Variants in TNMD observed in about 807,000 individuals in gnomAD.
TNMD encodes BRICHOS domain containing 4.
TNMD carries 15 observed loss-of-function variants against 26.9 expected under a neutral mutation model. The ratio of observed to expected loss-of-function variants is 0.56; its 90% CI spans 0.37 to 0.86. The LOEUF (loss-of-function observed/expected upper bound fraction) is 0.86. TNMD is among the 40% of genes least tolerant of loss of function. TNMD has a pLI of 0.00. For synonymous variants in TNMD, 73 were observed against 77.0 expected, an observed-to-expected ratio of 0.95 and a Z score of 0.27; for missense variants, 222 against 242.6, an observed-to-expected ratio of 0.92 and a Z score of 0.56.
intron 2 of TNMD, among the ~76,000 whole-genome samples, chrX:100,591,695 G>A (rs1318959846): frequency 1.8e-5 from 2 of 111,436 alleles, no homozygotes; most frequent in East Asian, 2.8e-4. Context: ...ACACATAAAC[G>A]AAGTCATTCT....
intron 4 of TNMD, among the ~76,000 whole-genome samples, 168 bp downstream of exon 4, chrX:100,594,530 A>T (rs1334810106): frequency 8.9e-6 from 1 of 111,781 alleles, no homozygotes; most frequent in Non-Finnish European, 1.9e-5. Context: ...ACTCAGAGCC[A>T]AAAAGTGACT....
chrX:100,599,365 T>C (rs776160293), intron 6 of TNMD, 143 bp from the exon 7 acceptor site: 3 of 626,808 alleles, frequency 4.8e-6, no homozygotes, highest in Non-Finnish European at 7.3e-6. Flanking sequence ...TCTCTGTAGA[T>C]ATATCTCCAT....
chrX:100,592,196 T>C (rs775592200), intron 2 of TNMD, among the ~76,000 whole-genome samples: 1 of 112,116 alleles, frequency 8.9e-6, no homozygotes, highest in Non-Finnish European at 1.9e-5. Context: ...CTGACAGGAC[T>C]GGATCTGAAG....
intron 2 of TNMD, among the ~76,000 whole-genome samples, chrX:100,591,569 C>T (rs906966821): frequency 9.0e-6 from 1 of 111,460 alleles, no homozygotes; most frequent in Admixed American, 9.5e-5. Flanking sequence ...CCAAAGTGGG[C>T]CACCAGCATC....
rs189235157 is a variant in TNMD at position 100,586,651 on chromosome X, T to C, written c.180+1289T>C. Reference sequence around the variant, plus strand: ...CCTACTTTGTTTGCCTTTTTATTTATACTTTGTTCCAGAAAAGATTTCAGG... The same window carrying C: ...CCTACTTTGTTTGCCTTTTTATTTACACTTTGTTCCAGAAAAGATTTCAGG... On this transcript the variant is annotated intron_variant, in intron 2 of 6. Transcript: ENST00000373031. Among the ~76,000 whole-genome samples the C allele has an allele frequency of 5.4e-5, 6 of 111,511 alleles. No homozygotes were observed. In the South Asian group the frequency reaches 1.5e-3, roughly 28 times the overall value.
chrX:100,599,366 A>G (rs2082962290), intron 6 of TNMD, 142 bp from the exon 7 acceptor site: 1 of 629,274 alleles, frequency 1.6e-6, no homozygotes, highest in African/African-American at 2.2e-5. Flanking sequence ...CTCTGTAGAT[A>G]TATCTCCATG....
Position 100,597,611 on chromosome X carries a change from T to C in TNMD, c.531T>C (p.Ile177=). 1 of 1,211,292 alleles carries C rather than the reference T, an allele frequency of 8.3e-7. No individual in the cohort carries two copies. Residue 177 remains isoleucine, a synonymous_variant, in exon 5 of 7, where the codon ATT becomes ATC. Transcript: ENST00000373031. ...DFLKNSKILE[I]CDNVTMYWIN... is the part of the protein sequence containing the mutation. ...TTAAAAATTCCAAAATTCTGGAGAT[T>C]TGTGATAACGTGACCATGTATTGGA...
intron 4 of TNMD, among the ~76,000 whole-genome samples, chrX:100,596,621 A>G (rs1018445679): frequency 5.4e-5 from 6 of 111,521 alleles, no homozygotes; most frequent in African/African-American, 1.6e-4. Flanking sequence ...CAGGTATATA[A>G]ATAGCCCTGA....
intron 4 of TNMD, among the ~76,000 whole-genome samples, chrX:100,596,455 G>C (rs764154459): frequency 8.9e-6 from 1 of 111,885 alleles, no homozygotes; most frequent in South Asian, 3.7e-4. Flanking sequence ...TTTCATGATA[G>C]TAAGAACACT....
chrX:100,599,854 C>T lies in TNMD; in HGVS notation c.*137C>T, dbSNP rs193186450. 1.0e-3 allele frequency: 543 copies of T among 525,257 alleles called. No homozygotes were observed. Among genetic ancestry groups the T allele is most frequent in the Non-Finnish European group, 1.5e-3 (490 of 320,865 alleles). 43.3% of individuals were successfully genotyped at this position (525,257 alleles called of 1,213,427 possible). A position where few individuals can be genotyped will look rare whatever the true frequency, so the allele number is the denominator to read the frequency against. On this transcript the variant is annotated 3_prime_UTR_variant, in exon 7 of 7. Transcript: ENST00000373031. ...ATTACTTGTAGGTAATTCCTCTCTT[C>T]ATGTTCTAATAAACTTCTACATTAT...
chrX:100,589,799 G>C (rs1256882024), intron 2 of TNMD, among the ~76,000 whole-genome samples: 2 of 111,260 alleles, frequency 1.8e-5, no homozygotes, highest in African/African-American at 6.5e-5. Flanking sequence ...ATTAAAATAG[G>C]AACTGAGTCC....
intron 6 of TNMD, 147 bp from the exon 7 acceptor site, chrX:100,599,361 T>C: frequency 1.6e-6 from 1 of 623,545 alleles, no homozygotes; most frequent in South Asian, 3.0e-5. Flanking sequence ...TCGATCTCTG[T>C]AGATATATCT....
intron 2 of TNMD, among the ~76,000 whole-genome samples, chrX:100,588,491 T>A (rs1441090786): frequency 1.8e-5 from 2 of 111,301 alleles, no homozygotes; most frequent in Non-Finnish European, 3.8e-5. Flanking sequence ...TTCAGCTTTC[T>A]TAAACAAGCA....
intron 4 of TNMD, 56 bp from the exon 5 acceptor site, chrX:100,597,448 A>G (rs1282762623): frequency 1.6e-5 from 18 of 1,160,875 alleles, no homozygotes; most frequent in Middle Eastern, 2.4e-4. Context: ...ATAATGTCTC[A>G]CTTGTTCTAC....
intron 4 of TNMD, among the ~76,000 whole-genome samples, 198 bp downstream of exon 4, chrX:100,594,560 A>G (rs2082947601): frequency 9.0e-6 from 1 of 111,713 alleles, no homozygotes. Context: ...CCACACAGCT[A>G]GTGAGTAGCA....
At chrX:100,592,008 G>A (rs986061763) in intron 2 of TNMD, among the ~76,000 whole-genome samples, 11 of 110,972 alleles carry the variant, frequency 9.9e-5, no homozygotes, top group African/African-American at 3.6e-4. Flanking sequence ...TTTCTCTTTC[G>A]CCCAGGTAGG....
intron 2 of TNMD, among the ~76,000 whole-genome samples, chrX:100,591,208 C>T (rs1023977250): frequency 9.0e-6 from 1 of 111,534 alleles, no homozygotes; most frequent in African/African-American, 3.3e-5. Flanking sequence ...GGGTGTACTC[C>T]TCATCATATT....
chrX:100,596,845 T>A (rs781774319), intron 4 of TNMD, among the ~76,000 whole-genome samples: 1 of 112,173 alleles, frequency 8.9e-6, no homozygotes, highest in Non-Finnish European at 1.9e-5. Flanking sequence ...TAAAAAAAGC[T>A]GCTTAAAGGA....
chrX:100,597,478 T>C, intron 4 of TNMD, 26 bp from the exon 5 acceptor site: 1 of 1,207,815 alleles, frequency 8.3e-7, no homozygotes, highest in Non-Finnish European at 1.1e-6. Flanking sequence ...TGCCAATCCC[T>C]ACCCTAAGCT....
Sources: allele counts gnomAD v4.1 joint callset (sites outside exome capture counted in the v4.1 genomes callset), GRCh38; gene constraint gnomAD v4.1.1; transcripts MANE v1.5; gene names NCBI Gene and HGNC (gene_info 2026-07-23, HGNC 2026-07-21).